DDX24: variants seen among roughly 807,000 people sequenced by gnomAD.
DDX24 encodes the protein DEAD-box helicase 24, also known as ATP-dependent RNA helicase DDX24.
DDX24 carries 24 observed loss-of-function variants against 68.9 expected under a neutral mutation model. The ratio of observed to expected loss-of-function variants is 0.35; its 90% CI spans 0.25 to 0.49. DDX24 has a LOEUF of 0.49. DDX24 is among the 20% of genes least tolerant of loss of function. The probability of loss-of-function intolerance (pLI) is 0.99; values close to 1 mark genes in which losing one functional copy is unlikely to be tolerated. For synonymous variants in DDX24, 395 were observed against 385.2 expected (o/e 1.03, Z -0.30); for missense variants, 989 against 1,039.0 (o/e 0.95, Z 0.66).
intron 2 of DDX24, among the ~76,000 whole-genome samples, chr14:94,075,282 T>C (rs1165189871): frequency 6.6e-6 from 1 of 152,072 alleles, no homozygotes; most frequent in Non-Finnish European, 1.5e-5. Context: ...ACCAAGAGAA[T>C]AAGAAACTGA....
Position 94,052,920 on chromosome 14 carries a change from A to G in DDX24, c.2308+78T>C, listed in dbSNP as rs934530975. The G allele has an allele frequency of 3.2e-6, 5 of 1,538,950 alleles. No homozygotes were observed. In the African/African-American group the frequency reaches 6.9e-5, roughly 21 times the overall value. On this transcript the variant is annotated intron_variant, in intron 8 of 8. Transcript: ENST00000621632. ...TGCTGATTTTGACAAGACCCACAGT[A>G]GTAGAGATGGTTCCAACAAAGCAAA...
At position 94,051,263 on chromosome 14, in the gene DDX24, C is replaced by T; in HGVS notation, c.2508G>A (p.Gln836=). 2 of 1,600,558 alleles carry T rather than the reference C, an allele frequency of 1.2e-6. No homozygotes were observed. Among genetic ancestry groups the T allele is most frequent in the Non-Finnish European group, 8.5e-7 (1 of 1,174,408 alleles). ...SESALSCLSK[Q]KKKKTKKPKE... ...TCGGCTTCTTTGTCTTCTTCTTCTT[C>T]TGCTTGGAGAGACAGCTCAAAGCAG... Residue 836 remains glutamine, a synonymous_variant, in exon 9 of 9, where the codon CAG becomes CAA. Transcript: ENST00000621632.
Position 94,049,308 on chromosome 14 carries a change from GACC to G in DDX24, c.*1880_*1882del, listed in dbSNP as rs1405142849. The G allele has an allele frequency of 6.6e-6, 1 of 152,208 alleles. No homozygotes were observed. Among genetic ancestry groups the G allele is most frequent in the African/African-American group, 2.4e-5 (1 of 41,448 alleles). The allele number at this position is 152,208 out of a possible 1,614,324, so 9.4% of individuals were successfully genotyped here. On this transcript the variant is annotated 3_prime_UTR_variant, in exon 9 of 9. Coordinates refer to ENST00000621632, the MANE Select transcript of DDX24 (RefSeq NM_020414.4). ...ATTAAGCCCGCTTACTAACCCCACT[GACC>G]ACCACTGCATCATTTGGAAAATGGA...
At chr14:94,060,041 C>G in intron 5 of DDX24, 57 bp downstream of exon 5, 1 of 1,531,632 alleles carries the variant, frequency 6.5e-7, no homozygotes, top group Non-Finnish European at 8.8e-7. Flanking sequence ...CCATCCTGAC[C>G]CCTTTTACCC....
At chr14:94,070,425 T>C (rs554392611) in intron 2 of DDX24, among the ~76,000 whole-genome samples, 14 of 152,106 alleles carry the variant, frequency 9.2e-5, no homozygotes, top group African/African-American at 2.9e-4. Context: ...ATTGTGAAAA[T>C]GACTGTTGCC....
At chr14:94,053,264 A>T in intron 7 of DDX24, 137 bp from the exon 8 acceptor site, 14 of 1,103,866 alleles carry the variant, frequency 1.3e-5, no homozygotes, top group South Asian at 3.1e-5. Flanking sequence ...TGGCATGATC[A>T]TGGCTCACTG....
Position 94,048,394 on chromosome 14 carries a change from G to A in DDX24, c.*2797C>T, listed in dbSNP as rs1005060236. The A allele has an allele frequency of 2.0e-5, 3 of 152,186 alleles. No homozygotes were observed. Among genetic ancestry groups the A allele is most frequent in the East Asian group, 1.9e-4 (1 of 5,198 alleles). The allele number at this position is 152,186 out of a possible 1,614,324, so 9.4% of individuals were successfully genotyped here. Reference sequence around the variant, plus strand: ...AGAGCACAGTCCCTGCTTTTGACTGGGTTCCTATTTTAAGCACAAATGAGA... The same window carrying A: ...AGAGCACAGTCCCTGCTTTTGACTGAGTTCCTATTTTAAGCACAAATGAGA... On this transcript the variant is annotated 3_prime_UTR_variant, in exon 9 of 9. Transcript: ENST00000621632.
intron 6 of DDX24, chr14:94,057,413 G>A (rs1384712375): frequency 6.1e-6 from 1 of 164,874 alleles, no homozygotes; most frequent in Non-Finnish European, 1.3e-5. Context: ...TTTAATACAT[G>A]AGAAAACTGA....
At chr14:94,061,158 G>C in intron 3 of DDX24, 92 bp from the exon 4 acceptor site, 2 of 1,439,478 alleles carry the variant, frequency 1.4e-6, no homozygotes, top group Non-Finnish European at 1.9e-6. Context: ...AGCAGAGACA[G>C]ACATCAGCAC....
chr14:94,052,847 G>T, intron 8 of DDX24, 151 bp downstream of exon 8: 1 of 1,079,124 alleles, frequency 9.3e-7, no homozygotes, highest in Non-Finnish European at 1.3e-6. Context: ...GAGGGCAGTA[G>T]GCTCACCTGG....
At chr14:94,057,796 G>GC (rs1403827350) in intron 6 of DDX24, 26 bp downstream of exon 6, 14 of 1,609,964 alleles carry the variant, frequency 8.7e-6, no homozygotes, top group South Asian at 6.6e-5. Flanking sequence ...GCAGGCAGAT[G>GC]CCTATAAATT....
At chr14:94,064,085 C>T (rs750616118) in intron 2 of DDX24, among the ~76,000 whole-genome samples, 4 of 151,960 alleles carry the variant, frequency 2.6e-5, no homozygotes, top group Non-Finnish European at 5.9e-5. Flanking sequence ...ACATTGTATG[C>T]GAAGTAGTAA....
Position 94,079,700 on chromosome 14 carries a change from A to C in DDX24, c.43T>G (p.Cys15Gly). 1.2e-6 allele frequency: 2 copies of C among 1,614,178 alleles called. No individual in the cohort carries two copies. The highest frequency in any genetic ancestry group is 1.7e-6 in the Non-Finnish European group (2 of 1,180,032). Residue 15 changes from cysteine (C) to glycine (G), a missense_variant, in exon 2 of 9, where the codon TGT becomes GGT. Cys to Gly is a radical substitution (Grantham distance 159). This residue lies in a region of DDX24 where 295 missense variants were observed against 263.0 expected (regional missense o/e 1.12). Coordinates refer to ENST00000621632, the MANE Select transcript of DDX24 (RefSeq NM_020414.4). ...DTKSRPKQSSCGKFQTKGIKV... is the reference protein window; with the variant it reads ...DTKSRPKQSSGGKFQTKGIKV... ...ATTCCCTTTGTCTGAAATTTGCCAC[A>C]GCTTGACTGCTTTGGCCTTGATTTT...
intron 7 of DDX24, 50 bp from the exon 8 acceptor site, chr14:94,053,177 T>C: frequency 1.9e-6 from 3 of 1,611,314 alleles, no homozygotes; most frequent in Non-Finnish European, 2.5e-6. Flanking sequence ...TTCAGGCCTC[T>C]GGGAAGCAAA....
At chr14:94,061,646 T>C (rs936954223) in intron 3 of DDX24, among the ~76,000 whole-genome samples, 1 of 152,146 alleles carries the variant, frequency 6.6e-6, no homozygotes. Context: ...TAAATCCTAA[T>C]AGCTTAGAGC....
chr14:94,057,694 C>T (rs970837791), intron 6 of DDX24, 128 bp downstream of exon 6: 103 of 827,036 alleles, frequency 1.2e-4, no homozygotes, highest in Middle Eastern at 2.4e-4. Flanking sequence ...AGTGGGCACT[C>T]GATGCCAGTG....
chr14:94,060,837 C>T lies in DDX24; in HGVS notation c.1397+76G>A, dbSNP rs1885582869. ...ATAGCATTCTGCGATGAGAAGAAGG[C>T]ATTGCCCACACCATGTCACCTAAGG... On this transcript the variant is annotated intron_variant, in intron 4 of 8. Transcript: ENST00000621632. 6.4e-6 allele frequency: 10 copies of T among 1,573,476 alleles called. No individual in the cohort carries two copies. The East Asian group carries it at 2.2e-4, about 35-fold the overall frequency.
At chr14:94,075,904 G>A (rs1054006958) in intron 2 of DDX24, among the ~76,000 whole-genome samples, 4 of 152,144 alleles carry the variant, frequency 2.6e-5, no homozygotes, top group African/African-American at 4.8e-5. Context: ...CTAGGGAAAT[G>A]CAAATTCAAA....
intron 2 of DDX24, among the ~76,000 whole-genome samples, chr14:94,072,448 G>A (rs1409395902): frequency 1.3e-5 from 2 of 152,178 alleles, no homozygotes; most frequent in African/African-American, 4.8e-5. Flanking sequence ...GGGTACTTGG[G>A]GGGAAGAATG....
Sources: allele counts gnomAD v4.1 joint callset (sites outside exome capture counted in the v4.1 genomes callset), GRCh38; gene constraint gnomAD v4.1.1; regional missense constraint gnomAD v4.1.1; transcripts MANE v1.5; gene names NCBI Gene and HGNC (gene_info 2026-07-23, HGNC 2026-07-21).